The following STRBP variants were observed in gnomAD, a reference collection of about 807,000 sequenced individuals.
STRBP encodes the protein spermatid perinuclear RNA binding protein, also known as spermatid perinuclear RNA-binding protein.
In STRBP, 13 loss-of-function variants were observed where a neutral mutation model predicts 80.1. The observed-to-expected ratio is 0.16, with a 90% CI of 0.11 to 0.26. The LOEUF (loss-of-function observed/expected upper bound fraction) is 0.26, where lower values mean the gene tolerates loss of function less well. STRBP is among the 10% of genes least tolerant of loss of function. The pLI, the probability that STRBP is intolerant of heterozygous loss-of-function variation, is 1.00. For missense variants in STRBP, 485 were observed against 815.2 expected (o/e 0.59, Z 4.93); for synonymous variants, 284 against 291.2 (o/e 0.98, Z 0.25).
At chr9:123,242,752 T>G (rs960285791) in intron 1 of STRBP, among the ~76,000 whole-genome samples, 12 of 152,200 alleles carry the variant, frequency 7.9e-5, no homozygotes, top group African/African-American at 2.9e-4. Flanking sequence ...GAGGGAGGGC[T>G]AAAAAGTTTA....
intron 2 of STRBP, among the ~76,000 whole-genome samples, chr9:123,190,483 G>A (rs141364677): frequency 2.7e-3 from 399 of 147,776 alleles, no homozygotes; most frequent in African/African-American, 8.7e-3. Context: ...AAAAAGGCAC[G>A]TGCAAGAAGG....
rs377625612 is a variant in STRBP at position 123,257,766 on chromosome 9, G to A, written c.-302+10670C>T. Among the ~76,000 whole-genome samples the A allele has an allele frequency of 2.1e-4, 32 of 152,112 alleles. No individual in the cohort carries two copies. In the South Asian group the frequency reaches 4.8e-3, roughly 23 times the overall value. ...TAGGAGGTTGAGGCTGCAGTGAGCC[G>A]TGATCACACCACTGCACTCCAGCCT... On this transcript the variant is annotated intron_variant, in intron 1 of 18. Transcript: ENST00000348403.
chr9:123,171,482 A>AGGAGGGGC (rs1331358641), intron 5 of STRBP, among the ~76,000 whole-genome samples: 4 of 152,200 alleles, frequency 2.6e-5, no homozygotes, highest in Non-Finnish European at 2.9e-5. Context: ...TGGGCAGGGC[A>AGGAGGGGC]GGAGGGGCGG....
intron 2 of STRBP, among the ~76,000 whole-genome samples, chr9:123,200,374 TTTC>T (rs1350196460): frequency 3.3e-5 from 5 of 152,140 alleles, no homozygotes; most frequent in African/African-American, 4.8e-5. Context: ...GCTCTGCAGT[TTTC>T]TTCTTTTGTT....
chr9:123,195,456 T>C (rs1050258824), intron 2 of STRBP, among the ~76,000 whole-genome samples: 2 of 151,964 alleles, frequency 1.3e-5, no homozygotes, highest in Non-Finnish European at 2.9e-5. Context: ...ACCTGAAAAC[T>C]GCACCAAAAA....
rs779309503 is a variant in STRBP, at chr9:123,115,883, C to T, written c.*84+46G>A. On this transcript the variant is annotated intron_variant and NMD_transcript_variant, in intron 3 of 3. Transcript: ENST00000471564. The surrounding 1 kb of genome is among the most constrained non-coding windows in gnomAD (Gnocchi z 5.0). The stretch of plus-strand genomic sequence containing the variant: ...CTGGCTTCCCATAATTGTCTTTCAC[C>T]CTTTGGAACCACATACAACAAATAA... The T allele has an allele frequency of 5.3e-6, 2 of 376,168 alleles. No individual in the cohort carries two copies. The highest frequency in any genetic ancestry group is 2.1e-5 in the African/African-American group (1 of 47,254). 23.3% of individuals were successfully genotyped at this position (376,168 alleles called of 1,614,324 possible).
intron 2 of STRBP, among the ~76,000 whole-genome samples, chr9:123,224,083 A>G (rs975027527): frequency 6.6e-6 from 1 of 152,240 alleles, no homozygotes; most frequent in Non-Finnish European, 1.5e-5. Flanking sequence ...AAATGCCACA[A>G]AACAAAATAC....
intron 11 of STRBP, among the ~76,000 whole-genome samples, chr9:123,151,749 T>C (rs912997428): frequency 6.6e-6 from 1 of 152,148 alleles, no homozygotes; most frequent in Non-Finnish European, 1.5e-5. Flanking sequence ...ATCAATGATG[T>C]ATTCATCCAC....
At chr9:123,109,598 T>A (rs556273024) in exon 4 of STRBP, 1 of 152,174 alleles carries the variant, frequency 6.6e-6, no homozygotes, top group Admixed American at 6.5e-5. Context: ...AGAGGGTCAG[T>A]CTATGGCAGA....
chr9:123,147,677 CAAAAAAAAAAAAA>C (rs551381831), intron 12 of STRBP, 88 bp downstream of exon 12: 1 of 369,042 alleles, frequency 2.7e-6, no homozygotes, highest in South Asian at 2.8e-5. Flanking sequence ...GAACCGATCT[CAAAAAAAAAAAAA>C]AAAAAAAAAC....
chr9:123,193,124 G>C (rs1336170527), intron 2 of STRBP, among the ~76,000 whole-genome samples: 1 of 152,070 alleles, frequency 6.6e-6, no homozygotes, highest in Non-Finnish European at 1.5e-5. Context: ...TAATACTTCA[G>C]TTTATATAAT....
intron 3 of STRBP, among the ~76,000 whole-genome samples, chr9:123,181,239 C>T (rs1463409803): frequency 6.6e-6 from 1 of 152,174 alleles, no homozygotes; most frequent in African/African-American, 2.4e-5. Flanking sequence ...TTTTTAAACA[C>T]TTAGTGAGAC....
intron 2 of STRBP, among the ~76,000 whole-genome samples, chr9:123,198,517 C>T (rs763782589): frequency 3.9e-5 from 6 of 152,008 alleles, no homozygotes; most frequent in African/African-American, 2.4e-5. Flanking sequence ...CTTGGTTGGA[C>T]GCGTAGTTTG....
At chr9:123,185,081 A>G (rs2036134366) in intron 2 of STRBP, among the ~76,000 whole-genome samples, 1 of 152,052 alleles carries the variant, frequency 6.6e-6, no homozygotes, top group Non-Finnish European at 1.5e-5. Context: ...CCTAGCTACA[A>G]GAAAAGGAGA....
At chr9:123,185,701 G>A (rs540391768) in intron 2 of STRBP, among the ~76,000 whole-genome samples, 2 of 152,108 alleles carry the variant, frequency 1.3e-5, no homozygotes, top group South Asian at 2.1e-4. Flanking sequence ...TAAGGGATTC[G>A]GCTAGTCACT....
chr9:123,133,114 T>C (rs1169230386), intron 16 of STRBP, 146 bp from the exon 17 acceptor site: 2 of 978,014 alleles, frequency 2.0e-6, no homozygotes, highest in Admixed American at 6.0e-5. Context: ...CTTCAATTTA[T>C]CATCTGAAAA....
intron 2 of STRBP, among the ~76,000 whole-genome samples, chr9:123,192,853 A>G (rs1331770788): frequency 2.4e-4 from 37 of 152,080 alleles, no homozygotes; most frequent in Admixed American, 2.4e-3. Context: ...ATAACCACTA[A>G]TTACCTAAGC....
chr9:123,200,713 G>A (rs745655338), intron 2 of STRBP, among the ~76,000 whole-genome samples: 28 of 117,498 alleles, frequency 2.4e-4, no homozygotes, highest in Middle Eastern at 5.6e-3. Flanking sequence ...GACTACAGGC[G>A]CCCCGCCACA....
intron 11 of STRBP, among the ~76,000 whole-genome samples, chr9:123,157,056 C>G (rs2037318401): frequency 6.6e-6 from 1 of 152,084 alleles, no homozygotes; most frequent in South Asian, 2.1e-4. Flanking sequence ...GGTAATATCC[C>G]TAGTGAGAGA....
Sources: allele counts gnomAD v4.1 joint callset (sites outside exome capture counted in the v4.1 genomes callset), GRCh38; gene constraint gnomAD v4.1.1; non-coding constraint Gnocchi (gnomAD v3.1); transcripts MANE v1.5; gene names NCBI Gene and HGNC (gene_info 2026-07-23, HGNC 2026-07-21).